The following MYO1E variants were observed in gnomAD, a reference collection of about 807,000 sequenced individuals.
The protein encoded by MYO1E is unconventional myosin-Ie.
MYO1E carries 68 observed loss-of-function variants against 151.1 expected under a neutral mutation model. The ratio of observed to expected loss-of-function variants is 0.45; its 90% CI spans 0.37 to 0.55. The LOEUF (loss-of-function observed/expected upper bound fraction) is 0.55. Among genes scored for constraint, MYO1E ranks in the 20% least tolerant of loss-of-function variants. The pLI, the probability that MYO1E is intolerant of heterozygous loss-of-function variation, is 0.00. For synonymous variants in MYO1E, 601 were observed against 501.7 expected (o/e 1.20, Z -2.64); for missense variants, 1,363 against 1,389.3 (o/e 0.98, Z 0.30).
chr15:59,199,735 AAC>A (rs2079789451), intron 16 of MYO1E, among the ~76,000 whole-genome samples: 1 of 152,230 alleles, frequency 6.6e-6, no homozygotes, highest in Non-Finnish European at 1.5e-5. Flanking sequence ...GATGACCTTG[AAC>A]ACAAGTTTAA....
In MYO1E at chr15:59,265,995, A is replaced by T. The variant is rs113352334; in HGVS notation, c.148-4486T>A. ...AAAATTTAAAAAAAAGTCTCAAAAA[A>T]TAAAATGGCTGTTTCTACAGAAAAA... On this transcript the variant is annotated intron_variant, in intron 2 of 27. Coordinates refer to ENST00000288235, the MANE Select transcript of MYO1E (RefSeq NM_004998.4). 5.6e-3 allele frequency among the ~76,000 whole-genome samples: 855 copies of T among 152,192 alleles called. 23 individuals are homozygous for T. The East Asian group carries it at 0.077, about 14-fold the overall frequency.
intron 18 of MYO1E, among the ~76,000 whole-genome samples, chr15:59,180,698 G>C (rs1298424841): frequency 1.3e-5 from 2 of 151,930 alleles, no homozygotes; most frequent in African/African-American, 4.8e-5. Flanking sequence ...CCATCCTTTG[G>C]TATCGCACTG....
chr15:59,192,871 G>A (rs1350211153), intron 17 of MYO1E, among the ~76,000 whole-genome samples: 1 of 152,168 alleles, frequency 6.6e-6, no homozygotes, highest in Non-Finnish European at 1.5e-5. Context: ...GTGTACAAGT[G>A]TGGGTATGTG....
chr15:59,216,666 G>GTATATATATATATATA (rs368761394), intron 10 of MYO1E, among the ~76,000 whole-genome samples: 2 of 30,884 alleles, frequency 6.5e-5, no homozygotes, highest in African/African-American at 1.1e-4. Context: ...GTGTGTATGT[G>GTATATATATATATATA]TATATATATA....
intron 1 of MYO1E, among the ~76,000 whole-genome samples, chr15:59,296,297 T>C (rs1414632598): frequency 6.6e-6 from 1 of 152,228 alleles, no homozygotes; most frequent in African/African-American, 2.4e-5. Flanking sequence ...CATAAGGATA[T>C]TCAGAACCAA....
At chr15:59,161,044 T>C (rs776773790) in intron 24 of MYO1E, 29 bp downstream of exon 24, 1 of 1,612,282 alleles carries the variant, frequency 6.2e-7, no homozygotes, top group Non-Finnish European at 8.5e-7. Flanking sequence ...CGGCGGCAGT[T>C]CTGCCTGCAG....
At chr15:59,269,279 C>T (rs2080275618) in intron 2 of MYO1E, among the ~76,000 whole-genome samples, 1 of 152,094 alleles carries the variant, frequency 6.6e-6, no homozygotes, top group Admixed American at 6.5e-5. Flanking sequence ...TTTATTATTA[C>T]TCCCATTTTA....
In MYO1E at chr15:59,173,919, C is replaced by T; in HGVS notation, c.2165-4G>A. ...TTGTTCAATAAGAGGTCTGAGGCTA[C>T]AATTCCCAAGAGGGTCAAGATGGAA... On this transcript the variant is annotated splice_region_variant and splice_polypyrimidine_tract_variant and intron_variant, in intron 20 of 27. Coordinates refer to ENST00000288235, the MANE Select transcript of MYO1E (RefSeq NM_004998.4). The T allele has an allele frequency of 6.2e-7, 1 of 1,613,892 alleles. No individual in the cohort carries two copies. Among genetic ancestry groups the T allele is most frequent in the Non-Finnish European group, 8.5e-7 (1 of 1,179,912 alleles).
chr15:59,176,747 G>A (rs2079627555), intron 19 of MYO1E, among the ~76,000 whole-genome samples: 2 of 152,154 alleles, frequency 1.3e-5, no homozygotes, highest in South Asian at 4.1e-4. Context: ...ATGAGCCACT[G>A]TGCCCAGCCA....
At position 59,202,258 on chromosome 15, in the gene MYO1E, G is replaced by A. The variant is rs2079806744; in HGVS notation, c.1698+68C>T. 3 of 1,365,540 alleles carry A rather than the reference G, an allele frequency of 2.2e-6. No homozygotes were observed. In the East Asian group the frequency reaches 6.9e-5, roughly 31 times the overall value. The allele number at this position is 1,365,540 out of a possible 1,614,324, so 84.6% of individuals were successfully genotyped here. On this transcript the variant is annotated intron_variant, in intron 16 of 27. Coordinates refer to ENST00000288235, the MANE Select transcript of MYO1E (RefSeq NM_004998.4). ...ACTGACCTCATCCTGGCCCAGGGGTGCAGTTCCTTACTCCTAGAAAGCGCT... is the reference window on the plus strand; with the variant it reads ...ACTGACCTCATCCTGGCCCAGGGGTACAGTTCCTTACTCCTAGAAAGCGCT...
chr15:59,339,269 T>G (rs2080748744), intron 1 of MYO1E, among the ~76,000 whole-genome samples: 1 of 152,218 alleles, frequency 6.6e-6, no homozygotes, highest in Admixed American at 6.5e-5. Flanking sequence ...ATGGATGGTG[T>G]GGAATGATAC....
chr15:59,268,307 G>T (rs2080268319), intron 2 of MYO1E, among the ~76,000 whole-genome samples: 1 of 152,216 alleles, frequency 6.6e-6, no homozygotes, highest in Non-Finnish European at 1.5e-5. Flanking sequence ...GCACATTTAT[G>T]CTGGGCTTCC....
chr15:59,260,043 A>T (rs2080216398), intron 3 of MYO1E, among the ~76,000 whole-genome samples: 1 of 152,242 alleles, frequency 6.6e-6, no homozygotes, highest in African/African-American at 2.4e-5. Context: ...TTTTACAATA[A>T]TCTGTTACTA....
At chr15:59,226,934 C>T (rs7166294) in intron 7 of MYO1E, among the ~76,000 whole-genome samples, 2 of 152,228 alleles carry the variant, frequency 1.3e-5, no homozygotes, top group African/African-American at 4.8e-5. Context: ...GTCTAGGTGG[C>T]AACTTTTCAA....
In MYO1E at chr15:59,228,489, T is replaced by A. The variant is rs143950292; in HGVS notation, c.511-899A>T. ...TGTCCAAAAACCAAAATAAAATGAATCAAAATTATATATATAATTATTATA... is the reference window on the plus strand; with the variant it reads ...TGTCCAAAAACCAAAATAAAATGAAACAAAATTATATATATAATTATTATA... On this transcript the variant is annotated intron_variant, in intron 6 of 27. Coordinates refer to ENST00000288235, the MANE Select transcript of MYO1E (RefSeq NM_004998.4). Among the ~76,000 whole-genome samples the A allele has an allele frequency of 1.9e-3, 286 of 151,198 alleles. 1 individual carries two copies. Among genetic ancestry groups the A allele is most frequent in the African/African-American group, 6.2e-3 (256 of 41,310 alleles).
At chr15:59,224,950 G>C in intron 7 of MYO1E, 127 bp from the exon 8 acceptor site, 1 of 1,297,092 alleles carries the variant, frequency 7.7e-7, no homozygotes, top group South Asian at 1.2e-5. Context: ...AGGCAGTCCT[G>C]GCCCCCAAAT....
chr15:59,227,622 T>C, intron 6 of MYO1E, 32 bp from the exon 7 acceptor site: 2 of 1,613,418 alleles, frequency 1.2e-6, no homozygotes, highest in Non-Finnish European at 1.7e-6. Flanking sequence ...CCTTCAATGG[T>C]TGGTGAACAA....
At chr15:59,215,218 G>A (rs1362095342) in intron 10 of MYO1E, among the ~76,000 whole-genome samples, 1 of 152,150 alleles carries the variant, frequency 6.6e-6, no homozygotes, top group Non-Finnish European at 1.5e-5. Context: ...TCTGCAGATA[G>A]TAACAATAGT....
At chr15:59,358,131 G>A (rs1443804739) in intron 1 of MYO1E, among the ~76,000 whole-genome samples, 3 of 152,202 alleles carry the variant, frequency 2.0e-5, no homozygotes, top group African/African-American at 7.2e-5. Context: ...CCATAGAGCA[G>A]ACAATGCTTG....
Sources: gnomAD v4.1 joint callset for allele counts (sites outside exome capture counted in the v4.1 genomes callset) on GRCh38, gnomAD v4.1.1 for gene constraint, MANE v1.5 for transcripts, NCBI Gene and HGNC (gene_info 2026-07-23, HGNC 2026-07-21) for gene names.